Variants in COMMD10 observed in about 807,000 individuals in gnomAD.
COMMD10 encodes COMM domain-containing protein 10.
A neutral mutation model predicts 28.9 loss-of-function variants in COMMD10; 33 were observed. That is an observed-to-expected ratio of 1.14 (90% confidence interval 0.87 to 1.53). COMMD10 has a LOEUF of 1.53. COMMD10 is among the 40% of genes most tolerant of loss of function. The pLI is 0.00. For missense variants in COMMD10, 310 were observed against 233.4 expected (o/e 1.33, Z -2.14); for synonymous variants, 110 against 81.7 (o/e 1.35, Z -1.87).
At chr5:116,277,920 T>G (rs1750964138) in intron 5 of COMMD10, among the ~76,000 whole-genome samples, 4 of 151,888 alleles carry the variant, frequency 2.6e-5, no homozygotes, top group Admixed American at 2.6e-4. Flanking sequence ...TAAATTTCTG[T>G]CTATGAATCT....
At chr5:116,114,616 T>C (rs1261592835) in intron 4 of COMMD10, among the ~76,000 whole-genome samples, 1 of 152,158 alleles carries the variant, frequency 6.6e-6, no homozygotes. Flanking sequence ...TAAATCTGGA[T>C]TGGGAAAGCC....
intron 5 of COMMD10, among the ~76,000 whole-genome samples, chr5:116,171,614 G>A (rs1753335841): frequency 6.6e-6 from 1 of 152,150 alleles, no homozygotes; most frequent in East Asian, 1.9e-4. Context: ...TAAAGAAAAT[G>A]TGGCACATAT....
intron 5 of COMMD10, among the ~76,000 whole-genome samples, chr5:116,176,116 T>C (rs935956983): frequency 1.3e-5 from 2 of 152,146 alleles, no homozygotes; most frequent in African/African-American, 4.8e-5. Context: ...ACTTATTCAC[T>C]GTTTGTTTAT....
chr5:116,283,668 CAAAAT>C (rs1473319420), intron 5 of COMMD10, among the ~76,000 whole-genome samples: 5 of 151,562 alleles, frequency 3.3e-5, no homozygotes, highest in Admixed American at 2.6e-4. Flanking sequence ...GGCCTGGCCT[CAAAAT>C]AACAACTTTT....
At chr5:116,133,111 C>T (rs1274224361) in intron 4 of COMMD10, among the ~76,000 whole-genome samples, 2 of 152,070 alleles carry the variant, frequency 1.3e-5, no homozygotes, top group Non-Finnish European at 2.9e-5. Context: ...GCCATTCTTA[C>T]CCAGTATTGC....
At chr5:116,224,717 C>T in intron 5 of COMMD10, among the ~76,000 whole-genome samples, 1 of 152,170 alleles carries the variant, frequency 6.6e-6, no homozygotes, top group Non-Finnish European at 1.5e-5. Context: ...ATTAGACATC[C>T]TATTTCAACA....
At chr5:116,154,338 A>G (rs1023935723) in intron 5 of COMMD10, among the ~76,000 whole-genome samples, 1 of 152,118 alleles carries the variant, frequency 6.6e-6, no homozygotes, top group African/African-American at 2.4e-5. Flanking sequence ...AAAACTTGAA[A>G]TTTGTACTGG....
At chr5:116,137,599 G>C (rs1247672649) in intron 5 of COMMD10, among the ~76,000 whole-genome samples, 1 of 151,864 alleles carries the variant, frequency 6.6e-6, no homozygotes, top group Admixed American at 6.6e-5. Context: ...ATTTACTTTT[G>C]AGCTGTTGTA....
intron 5 of COMMD10, among the ~76,000 whole-genome samples, chr5:116,149,715 C>G (rs1276256364): frequency 6.8e-6 from 1 of 147,268 alleles, no homozygotes; most frequent in Non-Finnish European, 1.5e-5. Context: ...TTGTTTTTTT[C>G]TTGTAAATTT....
chr5:116,142,594 G>A (rs998331346), intron 5 of COMMD10, among the ~76,000 whole-genome samples: 6 of 151,764 alleles, frequency 4.0e-5, no homozygotes, highest in African/African-American at 1.4e-4. Flanking sequence ...TTAGCTTCTA[G>A]AGAAAGATAT....
intron 5 of COMMD10, among the ~76,000 whole-genome samples, chr5:116,167,296 A>G (rs1358479369): frequency 6.6e-6 from 1 of 152,000 alleles, no homozygotes; most frequent in Admixed American, 6.6e-5. Context: ...GAATAGAGAA[A>G]AAAGAATGAA....
intron 5 of COMMD10, among the ~76,000 whole-genome samples, chr5:116,153,266 C>T (rs1345750550): frequency 6.7e-6 from 1 of 149,626 alleles, no homozygotes; most frequent in Non-Finnish European, 1.5e-5. Flanking sequence ...AAGCCTTTCC[C>T]ATGAGGACAT....
intron 5 of COMMD10, chr5:116,188,618 CTTCT>C (rs1748228292): frequency 2.9e-5 from 4 of 135,990 alleles, no homozygotes; most frequent in East Asian, 4.1e-4. Flanking sequence ...TCCTTCCTTC[CTTCT>C]TTCTTTCTCT....
At chr5:116,138,269 C>G (rs184186802) in intron 5 of COMMD10, among the ~76,000 whole-genome samples, 25 of 151,618 alleles carry the variant, frequency 1.6e-4, no homozygotes, top group Admixed American at 5.3e-4. Flanking sequence ...ACATTATTGA[C>G]TTTTTTGTTA....
rs1435849204 is a variant in COMMD10 at position 116,252,775 on chromosome 5, C to T, written c.511-38742C>T. Reference sequence around the variant, plus strand: ...TCCTTTTGGCTTAGGATTGACTTGGCGATGCGGGCTCTTTTTTGGTTCCAT... The same window carrying T: ...TCCTTTTGGCTTAGGATTGACTTGGTGATGCGGGCTCTTTTTTGGTTCCAT... On this transcript the variant is annotated intron_variant, in intron 5 of 6. Transcript: ENST00000274458. Among the ~76,000 whole-genome samples the T allele has an allele frequency of 8.5e-4, 112 of 131,136 alleles. 1 individual carries two copies. The highest frequency in any genetic ancestry group is 3.6e-3 in the Middle Eastern group (1 of 276). 86.0% of individuals were successfully genotyped at this position (131,136 alleles called of 152,430 possible). A position where few individuals can be genotyped will look rare whatever the true frequency, so the allele number is the denominator to read the frequency against.
chr5:116,183,730 A>T (rs1317795239), intron 5 of COMMD10, among the ~76,000 whole-genome samples: 1 of 152,134 alleles, frequency 6.6e-6, no homozygotes, highest in East Asian at 1.9e-4. Flanking sequence ...GTATAAATAT[A>T]AATTTTACAT....
At chr5:116,154,150 A>C (rs1170859044) in intron 5 of COMMD10, among the ~76,000 whole-genome samples, 1 of 151,916 alleles carries the variant, frequency 6.6e-6, no homozygotes, top group Non-Finnish European at 1.5e-5. Flanking sequence ...ACTGCTTTGT[A>C]GAGTGTAAAC....
intron 5 of COMMD10, among the ~76,000 whole-genome samples, chr5:116,156,875 C>T (rs975539990): frequency 1.3e-5 from 2 of 151,990 alleles, no homozygotes; most frequent in Non-Finnish European, 2.9e-5. Flanking sequence ...CAGTCCTTGC[C>T]CCCTTTATTT....
At chr5:116,289,213 G>GTT (rs889903765) in intron 5 of COMMD10, among the ~76,000 whole-genome samples, 6 of 151,696 alleles carry the variant, frequency 4.0e-5, no homozygotes, top group African/African-American at 1.5e-4. Context: ...CCCTATAATA[G>GTT]TTATTTTAAA....
Sources: gnomAD v4.1 joint callset for allele counts (sites outside exome capture counted in the v4.1 genomes callset) on GRCh38, gnomAD v4.1.1 for gene constraint, MANE v1.5 for transcripts, NCBI Gene and HGNC (gene_info 2026-07-23, HGNC 2026-07-21) for gene names.